The following MED4 variants were observed in gnomAD, a reference collection of about 807,000 sequenced individuals.
MED4 encodes mediator complex subunit 4.
MED4 carries 21 observed loss-of-function variants against 35.0 expected under a neutral mutation model. The observed-to-expected ratio is 0.60, with a 90% CI of 0.43 to 0.86. The LOEUF (loss-of-function observed/expected upper bound fraction) is 0.86, where lower values mean the gene tolerates loss of function less well. MED4 is among the 40% of genes least tolerant of loss of function. The pLI, the probability that MED4 is intolerant of heterozygous loss-of-function variation, is 0.00. For missense variants in MED4, 300 were observed against 319.4 expected (o/e 0.94, Z 0.46); for synonymous variants, 138 against 114.0 (o/e 1.21, Z -1.34).
chr13:48,081,869 A>G, intron 4 of MED4, 138 bp from the exon 5 acceptor site: 1 of 487,232 alleles, frequency 2.1e-6, no homozygotes, highest in Non-Finnish European at 3.5e-6. Flanking sequence ...GCCTTCCTTA[A>G]CAATACCTAC....
intron 6 of MED4, among the ~76,000 whole-genome samples, chr13:48,077,830 A>C (rs1201835992): frequency 6.6e-6 from 1 of 152,218 alleles, no homozygotes; most frequent in African/African-American, 2.4e-5. Flanking sequence ...ACTCTGTAAG[A>C]AACTATTTAG....
At position 48,080,226 on chromosome 13, in the gene MED4, G is replaced by T. The variant is rs564514005; in HGVS notation, c.509-251C>A. 3.3e-5 allele frequency among the ~76,000 whole-genome samples: 5 copies of T among 151,134 alleles called. No individual in the cohort carries two copies. The South Asian group carries it at 1.0e-3, about 32-fold the overall frequency. ...AGCCTGGCCAGCATGGTGAAACCCC[G>T]TCTCTACTAAAAATAAGAAAATTAG... is the stretch of plus-strand genomic sequence containing the variant. On this transcript the variant is annotated intron_variant, in intron 5 of 6. Coordinates refer to ENST00000258648, the MANE Select transcript of MED4 (RefSeq NM_014166.4).
intron 1 of MED4, among the ~76,000 whole-genome samples, chr13:48,092,641 T>C (rs1029498191): frequency 3.3e-5 from 5 of 152,166 alleles, no homozygotes; most frequent in Non-Finnish European, 7.4e-5. Flanking sequence ...GGGAGAAACA[T>C]GGACAGATTT....
chr13:48,090,984 G>A (rs955524669), intron 1 of MED4, among the ~76,000 whole-genome samples: 1 of 152,172 alleles, frequency 6.6e-6, no homozygotes, highest in Non-Finnish European at 1.5e-5. Flanking sequence ...GAGTTGAGTT[G>A]TTACAGCAGA....
intron 5 of MED4, 151 bp downstream of exon 5, chr13:48,081,494 T>C (rs1950807854): frequency 4.5e-6 from 2 of 447,166 alleles, no homozygotes; most frequent in Non-Finnish European, 7.6e-6. Flanking sequence ...CCATGGCCTA[T>C]ATCATTACTT....
intron 3 of MED4, among the ~76,000 whole-genome samples, chr13:48,084,265 C>CAAAAAAAAAAA (rs71099664): frequency 2.7e-5 from 3 of 109,972 alleles, no homozygotes; most frequent in African/African-American, 1.1e-4. Flanking sequence ...GACTCTGTCT[C>CAAAAAAAAAAA]AAAAAAAAAA....
At chr13:48,089,293 T>C (rs1277641770) in intron 2 of MED4, among the ~76,000 whole-genome samples, 1 of 152,188 alleles carries the variant, frequency 6.6e-6, no homozygotes, top group South Asian at 2.1e-4. Context: ...CACTGACACT[T>C]TTCTATTGAG....
intron 3 of MED4, among the ~76,000 whole-genome samples, chr13:48,085,031 T>C (rs1950839151): frequency 1.3e-5 from 2 of 151,816 alleles, no homozygotes; most frequent in Non-Finnish European, 2.9e-5. Context: ...CATGCCCAGC[T>C]AAATTTTTTT....
intron 3 of MED4, among the ~76,000 whole-genome samples, chr13:48,085,423 C>T (rs1950842110): frequency 1.3e-5 from 2 of 152,064 alleles, no homozygotes; most frequent in African/African-American, 4.8e-5. Context: ...CACAGACTGA[C>T]CTCGCGATCC....
At chr13:48,082,378 T>C (rs1235854558) in intron 4 of MED4, among the ~76,000 whole-genome samples, 2 of 152,234 alleles carry the variant, frequency 1.3e-5, no homozygotes, top group Non-Finnish European at 2.9e-5. Context: ...TTACAAACTT[T>C]AGATACTGTT....
intron 5 of MED4, 90 bp from the exon 6 acceptor site, chr13:48,080,065 T>C: frequency 7.0e-7 from 1 of 1,425,060 alleles, no homozygotes. Flanking sequence ...CGCTGGTTCA[T>C]GCTGAAAAGT....
chr13:48,082,624 A>G lies in MED4; in HGVS notation c.421+747T>C, dbSNP rs1294507379. 8.5e-5 allele frequency among the ~76,000 whole-genome samples: 13 copies of G among 152,068 alleles called. No homozygotes were observed. In the East Asian group the frequency reaches 1.5e-3, roughly 18 times the overall value. ...GGGCAGATCACGAGGTCAGGAGATC[A>G]AGACCATCCTGGCTAACACAGTGAA... On this transcript the variant is annotated intron_variant, in intron 4 of 6. Coordinates refer to ENST00000258648, the MANE Select transcript of MED4 (RefSeq NM_014166.4).
At position 48,095,048 on chromosome 13, in the gene MED4, TCTC is replaced by T. The variant is rs753527878; in HGVS notation, c.28_30del (p.Glu10del). ...CCCAAACCGCCTCCCAGCCGCTCCTTCTCCTTCTCACCACTCGAAGACGCAGCC... is the reference window on the plus strand; with the variant it reads ...CCCAAACCGCCTCCCAGCCGCTCCTTCTTCTCACCACTCGAAGACGCAGCC... On this transcript the variant is annotated inframe_deletion, in exon 1 of 7. Coordinates refer to ENST00000258648, the MANE Select transcript of MED4 (RefSeq NM_014166.4). The T allele has an allele frequency of 7.0e-5, 113 of 1,605,726 alleles. No individual in the cohort carries two copies. The highest frequency in any genetic ancestry group is 2.2e-4 in the Admixed American group (13 of 60,024).
chr13:48,081,024 T>G (rs1016531257), intron 5 of MED4, among the ~76,000 whole-genome samples: 1 of 152,246 alleles, frequency 6.6e-6, no homozygotes, highest in Non-Finnish European at 1.5e-5. Context: ...TAGTCACCCT[T>G]AGTGCTTTCA....
At chr13:48,087,660 A>G (rs1432424362) in intron 2 of MED4, among the ~76,000 whole-genome samples, 2 of 151,858 alleles carry the variant, frequency 1.3e-5, no homozygotes, top group Non-Finnish European at 2.9e-5. Flanking sequence ...GACCAGCCTA[A>G]CCAACATGGT....
In MED4 at chr13:48,081,690, T is replaced by C; in HGVS notation, c.463A>G (p.Ile155Val). Residue 155 changes from isoleucine to valine, a missense_variant, in exon 5 of 7, where the codon ATC (isoleucine) becomes GTC (valine). By Grantham distance (29) the Ile-to-Val change is conservative. Transcript: ENST00000258648. ...GCACATACAGCATTACTTGCACTGATCCTATGTGCATACTTAATTATTTCT... is the reference window on the plus strand; with the variant it reads ...GCACATACAGCATTACTTGCACTGACCCTATGTGCATACTTAATTATTTCT... Reference protein sequence around the residue: ...SEEIIKYAHRISASNAVCAPL... With the variant: ...SEEIIKYAHRVSASNAVCAPL... 6.2e-7 allele frequency: 1 copy of C among 1,612,388 alleles called. No homozygotes were observed. The highest frequency in any genetic ancestry group is 8.5e-7 in the Non-Finnish European group (1 of 1,179,304).
chr13:48,083,114 C>T (rs1950822310), intron 4 of MED4, among the ~76,000 whole-genome samples: 1 of 152,238 alleles, frequency 6.6e-6, no homozygotes, highest in African/African-American at 2.4e-5. Flanking sequence ...TATAAACTCA[C>T]TGTTTTTACT....
chr13:48,086,529 C>T, intron 2 of MED4, 77 bp from the exon 3 acceptor site: 2 of 1,327,798 alleles, frequency 1.5e-6, no homozygotes, highest in African/African-American at 1.5e-5. Context: ...GAATCCGTAA[C>T]TGAATTGGCT....
chr13:48,081,243 G>T (rs1416297955), intron 5 of MED4, among the ~76,000 whole-genome samples: 1 of 152,146 alleles, frequency 6.6e-6, no homozygotes, highest in African/African-American at 2.4e-5. Context: ...GTAGTGCTTT[G>T]TCTTTAGCAT....
Sources: allele counts gnomAD v4.1 joint callset (sites outside exome capture counted in the v4.1 genomes callset), GRCh38; gene constraint gnomAD v4.1.1; transcripts MANE v1.5; gene names NCBI Gene and HGNC (gene_info 2026-07-23, HGNC 2026-07-21).